Variants in SORCS1 observed in about 807,000 individuals in gnomAD.
The protein encoded by SORCS1 is VPS10 domain-containing receptor SorCS1.
A neutral mutation model predicts 146.1 loss-of-function variants in SORCS1; 60 were observed. That is an observed-to-expected ratio of 0.41 (90% CI 0.33 to 0.51). The LOEUF (loss-of-function observed/expected upper bound fraction) is 0.51. Among genes scored for constraint, SORCS1 ranks in the 20% least tolerant of loss-of-function variants. The probability of loss-of-function intolerance (pLI) is 0.21; values close to 1 mark genes in which losing one functional copy is unlikely to be tolerated. For missense variants in SORCS1, 1,352 were observed against 1,487.6 expected (o/e 0.91, Z 1.50); for synonymous variants, 637 against 584.0 (o/e 1.09, Z -1.31).
chr10:106,703,422 A>T (rs922918981), intron 8 of SORCS1, among the ~76,000 whole-genome samples: 1 of 152,154 alleles, frequency 6.6e-6, no homozygotes, highest in African/African-American at 2.4e-5. Flanking sequence ...TTTCGTATGT[A>T]TTGCCTCATT....
At chr10:106,636,786 T>C (rs1279507912) in intron 18 of SORCS1, among the ~76,000 whole-genome samples, 37 of 152,310 alleles carry the variant, frequency 2.4e-4, no homozygotes, top group Non-Finnish European at 4.4e-5. Context: ...CCTGTTCAAA[T>C]TTGCCTAGAG....
chr10:107,007,538 C>G (rs1041403919), intron 1 of SORCS1, among the ~76,000 whole-genome samples: 4 of 152,224 alleles, frequency 2.6e-5, no homozygotes, highest in African/African-American at 9.6e-5. Context: ...CCCGCTGAGC[C>G]TCTCTAGTTC....
intron 2 of SORCS1, among the ~76,000 whole-genome samples, chr10:106,918,306 G>A (rs934533853): frequency 2.6e-5 from 4 of 152,006 alleles, no homozygotes; most frequent in Non-Finnish European, 4.4e-5. Flanking sequence ...GAATACAGGT[G>A]CCTGCCACCA....
At chr10:106,727,247 C>T (rs1856267204) in intron 6 of SORCS1, among the ~76,000 whole-genome samples, 2 of 152,192 alleles carry the variant, frequency 1.3e-5, no homozygotes, top group African/African-American at 4.8e-5. Context: ...GAGATAGCCA[C>T]TGGTAGCCCT....
intron 1 of SORCS1, among the ~76,000 whole-genome samples, chr10:107,038,265 A>T: frequency 6.6e-6 from 1 of 152,204 alleles, no homozygotes; most frequent in East Asian, 1.9e-4. Flanking sequence ...AAAGAAAAAC[A>T]AATTTCTCCT....
intron 1 of SORCS1, among the ~76,000 whole-genome samples, chr10:107,084,551 T>C (rs981480271): frequency 5.3e-5 from 8 of 152,036 alleles, no homozygotes; most frequent in Non-Finnish European, 8.8e-5. Context: ...AGAAGAGAGA[T>C]TACTGAATTT....
intron 3 of SORCS1, among the ~76,000 whole-genome samples, chr10:106,778,024 A>C (rs979864309): frequency 2.6e-5 from 4 of 152,162 alleles, no homozygotes; most frequent in Admixed American, 2.6e-4. Flanking sequence ...CATATCTTAA[A>C]AGAGCAGAGT....
chr10:107,145,160 T>C (rs1968211314), intron 1 of SORCS1, among the ~76,000 whole-genome samples: 1 of 152,172 alleles, frequency 6.6e-6, no homozygotes, highest in Non-Finnish European at 1.5e-5. Flanking sequence ...GGAGATGAGA[T>C]GGGGCAAGCA....
the SORCS1 span, among the ~76,000 whole-genome samples, chr10:107,177,872 C>T: frequency 6.6e-6 from 1 of 152,084 alleles, no homozygotes; most frequent in African/African-American, 2.4e-5. Flanking sequence ...GAGCTGAAAG[C>T]CATTATTCTC....
At position 106,963,110 on chromosome 10, in the gene SORCS1, A is replaced by ATTTTTT. The variant is rs749174613; in HGVS notation, c.559-6536_559-6531dup. ...AAGAGAGCAGTGTTCAATGGCCAGAATTTTTTTTTTTTTTTTTTTTTTTTT... is the reference window on the plus strand; with the variant it reads ...AAGAGAGCAGTGTTCAATGGCCAGAATTTTTTTTTTTTTTTTTTTTTTTTTTTTTTT... On this transcript the variant is annotated intron_variant, in intron 1 of 25. Coordinates refer to ENST00000263054, the MANE Select transcript of SORCS1 (RefSeq NM_052918.5). Among the ~76,000 whole-genome samples the ATTTTTT allele has an allele frequency of 1.4e-4, 11 of 76,304 alleles. 2 individuals carry two copies. The highest frequency in any genetic ancestry group is 4.1e-4 in the African/African-American group (9 of 21,916). The allele number at this position is 76,304 out of a possible 152,430, so 50.1% of individuals were successfully genotyped here.
chr10:106,722,179 T>TTA (rs969487173), intron 6 of SORCS1, among the ~76,000 whole-genome samples: 33 of 144,214 alleles, frequency 2.3e-4, no homozygotes, highest in Admixed American at 2.1e-4. Context: ...AGATAAGAGT[T>TTA]TATATATATA....
intron 2 of SORCS1, among the ~76,000 whole-genome samples, chr10:106,853,420 C>T (rs1949666166): frequency 2.0e-5 from 3 of 149,152 alleles, no homozygotes; most frequent in South Asian, 2.1e-4. Context: ...TCCAAAAAAA[C>T]AGGTTTTGGT....
chr10:106,954,062 C>G (rs1016264155), intron 2 of SORCS1, among the ~76,000 whole-genome samples: 6 of 152,174 alleles, frequency 3.9e-5, no homozygotes, highest in African/African-American at 1.4e-4. Flanking sequence ...ACTGGGCCAT[C>G]AGTAACAATG....
At chr10:106,582,138 TACACAC>T (rs59775337) in intron 24 of SORCS1, among the ~76,000 whole-genome samples, 1 of 149,148 alleles carries the variant, frequency 6.7e-6, no homozygotes, top group African/African-American at 2.5e-5. Context: ...CACAAACACA[TACACAC>T]ACACACACAC....
chr10:106,737,036 A>AGT (rs1301020744), intron 5 of SORCS1, among the ~76,000 whole-genome samples: 96 of 146,322 alleles, frequency 6.6e-4, no homozygotes, highest in South Asian at 5.3e-3. Context: ...TCTGCAGCAA[A>AGT]GTGTGTGTGT....
At position 107,014,739 on chromosome 10, in the gene SORCS1, G is replaced by A. The variant is rs546218789; in HGVS notation, c.559-58159C>T. The stretch of plus-strand genomic sequence containing the variant: ...CCAAATAACTCTGATGGACATTCAC[G>A]TTTGAAGATATTTTACAGAATTTCT... On this transcript the variant is annotated intron_variant, in intron 1 of 25. Transcript: ENST00000263054. Among the ~76,000 whole-genome samples, 96 of 152,206 alleles carry A rather than the reference G, an allele frequency of 6.3e-4. 1 individual carries two copies. The South Asian group carries it at 0.012, about 18-fold the overall frequency.
intron 5 of SORCS1, among the ~76,000 whole-genome samples, chr10:106,754,739 A>C (rs559367747): frequency 3.9e-5 from 6 of 152,296 alleles, no homozygotes; most frequent in African/African-American, 1.2e-4. Flanking sequence ...TCCTTCTGCT[A>C]TATAATACAG....
chr10:106,607,720 A>T (rs1846704104), intron 22 of SORCS1, among the ~76,000 whole-genome samples: 2 of 152,168 alleles, frequency 1.3e-5, no homozygotes, highest in South Asian at 4.1e-4. Context: ...TGACCATGCC[A>T]GTGAGAAGAC....
intron 1 of SORCS1, among the ~76,000 whole-genome samples, chr10:107,147,416 A>G (rs1006939875): frequency 1.3e-5 from 2 of 152,108 alleles, no homozygotes; most frequent in African/African-American, 4.8e-5. Flanking sequence ...GCTTTATCAA[A>G]GTGCACCCCT....
Sources: gnomAD v4.1 joint callset for allele counts (sites outside exome capture counted in the v4.1 genomes callset) on GRCh38, gnomAD v4.1.1 for gene constraint, MANE v1.5 for transcripts, NCBI Gene and HGNC (gene_info 2026-07-23, HGNC 2026-07-21) for gene names.